The following PRKCE variants were observed in gnomAD, a reference collection of about 807,000 sequenced individuals.
PRKCE encodes protein kinase C epsilon.
Under a neutral mutation model 85.4 loss-of-function variants are expected in PRKCE, and 16 were observed. That is an observed-to-expected ratio of 0.19 (90% CI 0.13 to 0.28). PRKCE has a LOEUF of 0.28. Among genes scored for constraint, PRKCE ranks in the 10% least tolerant of loss-of-function variants. PRKCE has a pLI of 1.00. For synonymous variants in PRKCE, 388 were observed against 371.5 expected, an observed-to-expected ratio of 1.04 and a Z score of -0.51; for missense variants, 573 against 975.2, an observed-to-expected ratio of 0.59 and a Z score of 5.49.
intron 11 of PRKCE, among the ~76,000 whole-genome samples, chr2:46,095,077 A>G (rs1024629510): frequency 1.3e-5 from 2 of 152,150 alleles, no homozygotes; most frequent in Non-Finnish European, 2.9e-5. Context: ...TAGAAAATGT[A>G]TTACTTATTT....
intron 10 of PRKCE, among the ~76,000 whole-genome samples, chr2:46,067,435 TA>T (rs1667715652): frequency 6.6e-6 from 1 of 152,016 alleles, no homozygotes; most frequent in African/African-American, 2.4e-5. Flanking sequence ...GTGACAGGAG[TA>T]CCTGTTAGCC....
chr2:45,794,552 C>A (rs182630056), intron 1 of PRKCE, among the ~76,000 whole-genome samples: 11 of 152,094 alleles, frequency 7.2e-5, no homozygotes, highest in African/African-American at 2.4e-4. Context: ...TGGTTTCAAG[C>A]GCCTGGGGAG....
At chr2:45,687,719 G>A (rs1469272556) in intron 1 of PRKCE, among the ~76,000 whole-genome samples, 2 of 152,196 alleles carry the variant, frequency 1.3e-5, no homozygotes, top group Non-Finnish European at 2.9e-5. Context: ...TGGTATAGGA[G>A]CACCTCAGAA....
chr2:46,019,296 T>C (rs564017060), intron 10 of PRKCE, among the ~76,000 whole-genome samples: 1 of 152,250 alleles, frequency 6.6e-6, no homozygotes, highest in African/African-American at 2.4e-5. Flanking sequence ...CCCAAAGCTA[T>C]GCACATCGGG....
At chr2:45,726,612 G>A (rs116392402) in intron 1 of PRKCE, among the ~76,000 whole-genome samples, 1 of 152,140 alleles carries the variant, frequency 6.6e-6, no homozygotes, top group Non-Finnish European at 1.5e-5. Flanking sequence ...TACGTACACT[G>A]GGAAACAAAA....
Position 45,824,487 on chromosome 2 carries a change from C to A in PRKCE, c.349-18513C>A, listed in dbSNP as rs115937904. 4.9e-3 allele frequency among the ~76,000 whole-genome samples: 744 copies of A among 152,178 alleles called. 9 individuals carry two copies. Among genetic ancestry groups the A allele is most frequent in the African/African-American group, 0.017 (715 of 41,516 alleles). On this transcript the variant is annotated intron_variant, in intron 1 of 14. Transcript: ENST00000306156. ...TGGGTTGGACTGGTGGGGAGGACTCCCTTCCCCAATTGAGCTCTTCAAGAA... is the reference window on the plus strand; with the variant it reads ...TGGGTTGGACTGGTGGGGAGGACTCACTTCCCCAATTGAGCTCTTCAAGAA...
chr2:46,152,122 G>A (rs1479181844), intron 13 of PRKCE, among the ~76,000 whole-genome samples: 1 of 151,918 alleles, frequency 6.6e-6, no homozygotes, highest in Non-Finnish European at 1.5e-5. Flanking sequence ...ACTATTACTA[G>A]CTTTTCTTGT....
At chr2:46,010,096 A>T (rs1209394327) in intron 9 of PRKCE, among the ~76,000 whole-genome samples, 1 of 152,236 alleles carries the variant, frequency 6.6e-6, no homozygotes, top group Non-Finnish European at 1.5e-5. Flanking sequence ...TTTCTTAAAC[A>T]TTATGTATAC....
intron 2 of PRKCE, among the ~76,000 whole-genome samples, chr2:45,931,951 A>T (rs1025258613): frequency 6.6e-6 from 1 of 152,084 alleles, no homozygotes; most frequent in African/African-American, 2.4e-5. Context: ...CTCTGACCTC[A>T]GGTGACCCAC....
At chr2:45,773,981 G>A (rs1442378186) in intron 1 of PRKCE, among the ~76,000 whole-genome samples, 1 of 152,216 alleles carries the variant, frequency 6.6e-6, no homozygotes, top group African/African-American at 2.4e-5. Context: ...GTCCGCTGCT[G>A]TCATCCCGTG....
Position 45,817,936 on chromosome 2 carries a change from C to T in PRKCE, c.349-25064C>T, listed in dbSNP as rs567460437. 5.9e-5 allele frequency among the ~76,000 whole-genome samples: 9 copies of T among 152,344 alleles called. No individual in the cohort carries two copies. The East Asian group carries it at 7.7e-4, about 13-fold the overall frequency. ...GGCAAGCTACAGGCCGAGTTTCCTC[C>T]AGCTTCAGTAACCATCAGACCAGGC... On this transcript the variant is annotated intron_variant, in intron 1 of 14. Transcript: ENST00000306156.
intron 11 of PRKCE, among the ~76,000 whole-genome samples, chr2:46,125,405 T>C (rs1369491714): frequency 6.6e-6 from 1 of 152,204 alleles, no homozygotes; most frequent in Non-Finnish European, 1.5e-5. Context: ...AGTGACTGGA[T>C]TTAAAATAAA....
chr2:46,151,368 G>C (rs999559091), intron 13 of PRKCE, 139 bp downstream of exon 13: 4 of 914,302 alleles, frequency 4.4e-6, no homozygotes, highest in Non-Finnish European at 6.4e-6. Context: ...TCCCACCTCT[G>C]CTCATCACCA....
intron 1 of PRKCE, among the ~76,000 whole-genome samples, chr2:45,689,951 C>A (rs1409404859): frequency 6.6e-6 from 1 of 151,766 alleles, no homozygotes; most frequent in African/African-American, 2.4e-5. Context: ...CAGACTCCCA[C>A]TTCCCTCTCT....
At chr2:46,121,258 T>C (rs1280422732) in intron 11 of PRKCE, among the ~76,000 whole-genome samples, 2 of 152,206 alleles carry the variant, frequency 1.3e-5, no homozygotes, top group Non-Finnish European at 2.9e-5. Context: ...AGCTTAAGAA[T>C]GCACAGGCAG....
At chr2:45,691,169 T>A (rs1238948627) in intron 1 of PRKCE, among the ~76,000 whole-genome samples, 2 of 152,194 alleles carry the variant, frequency 1.3e-5, no homozygotes, top group African/African-American at 2.4e-5. Flanking sequence ...GCTGTGTCCG[T>A]CAGTGGGCTG....
At position 46,068,670 on chromosome 2, in the gene PRKCE, A is replaced by G. The variant is rs1000955691; in HGVS notation, c.1438-17538A>G. 6.6e-6 allele frequency among the ~76,000 whole-genome samples: 1 copy of G among 152,226 alleles called. No homozygotes were observed. The highest frequency in any genetic ancestry group is 1.5e-5 in the Non-Finnish European group (1 of 68,032). On this transcript the variant is annotated intron_variant, in intron 10 of 14. Transcript: ENST00000306156. The surrounding 1 kb of genome is among the most constrained non-coding windows in gnomAD (Gnocchi z 4.3). ...GAATTCAGAAGCAGAAGAATTCTCC[A>G]AGGGCTGTCTTCATTTGCAAAGGCA...
At chr2:45,716,687 AAGAGAAG>A (rs749950570) in intron 1 of PRKCE, among the ~76,000 whole-genome samples, 2,039 of 70,794 alleles carry the variant, frequency 0.029, 23 homozygotes, top group Admixed American at 0.048. Flanking sequence ...GAAGAAGAAG[AAGAGAAG>A]GAAGGAAGGA....
chr2:46,163,254 C>T (rs948413792), intron 14 of PRKCE, among the ~76,000 whole-genome samples: 2 of 152,078 alleles, frequency 1.3e-5, no homozygotes, highest in African/African-American at 4.8e-5. Context: ...CCACAGAGGG[C>T]ACTGAGAGAC....
Sources: gnomAD v4.1 joint callset for allele counts (sites outside exome capture counted in the v4.1 genomes callset) on GRCh38, gnomAD v4.1.1 for gene constraint, Gnocchi (gnomAD v3.1) non-coding constraint, MANE v1.5 for transcripts, NCBI Gene and HGNC (gene_info 2026-07-23, HGNC 2026-07-21) for gene names.